The following SMARCA4 variants were observed in gnomAD, a reference collection of about 807,000 sequenced individuals.
SMARCA4 encodes SWI/SNF related BAF chromatin remodeling complex subunit ATPase 4, also known as SWI/SNF-related matrix-associated actin-dependent regulator of chromatin subfamily A member 4.
SMARCA4 carries 31 observed loss-of-function variants against 193.9 expected under a neutral mutation model. The ratio of observed to expected loss-of-function variants is 0.16; its 90% CI spans 0.12 to 0.22. SMARCA4 has a LOEUF of 0.22. Ranked by LOEUF, SMARCA4 falls within the 10% of genes least tolerant of loss-of-function variation. The probability of loss-of-function intolerance (pLI) is 1.00; values close to 1 mark genes in which losing one functional copy is unlikely to be tolerated. For synonymous variants in SMARCA4, 942 were observed against 933.1 expected (o/e 1.01, Z -0.17); for missense variants, 1,148 against 2,296.0 (o/e 0.50, Z 10.22).
At chr19:11,021,546 T>C (rs1443276521) in intron 18 of SMARCA4, 179 bp from the exon 19 acceptor site, 4 of 766,180 alleles carry the variant, frequency 5.2e-6, no homozygotes, top group Non-Finnish European at 9.0e-6. Flanking sequence ...AGAGGCTACG[T>C]TGTGTGGCTC....
chr19:11,049,050 C>T (rs1037324412), intron 30 of SMARCA4, among the ~76,000 whole-genome samples: 6 of 152,148 alleles, frequency 3.9e-5, no homozygotes, highest in East Asian at 1.9e-4. Context: ...GGTACCATGC[C>T]GGCAGTGCTG....
At chr19:11,005,127 C>T (rs531048479) in intron 13 of SMARCA4, among the ~76,000 whole-genome samples, 26 of 152,318 alleles carry the variant, frequency 1.7e-4, no homozygotes, top group African/African-American at 5.5e-4. Flanking sequence ...TGAGCCACCA[C>T]GCCTGGCCTC....
intron 29 of SMARCA4, among the ~76,000 whole-genome samples, chr19:11,037,842 A>G (rs1284270417): frequency 1.3e-5 from 2 of 152,192 alleles, no homozygotes; most frequent in Admixed American, 6.5e-5. Flanking sequence ...CATCCATCCA[A>G]CTGGAAATCC....
rs772356536 is a variant in SMARCA4, at chr19:11,007,916, G to A, written c.2016G>A (p.Glu672=). 9 of 1,613,298 alleles carry A rather than the reference G, an allele frequency of 5.6e-6. No homozygotes were observed. The Admixed American group carries it at 1.5e-4, about 27-fold the overall frequency. The change falls in exon 14 of 35, where the codon GAG becomes GAA. Residue 672 remains glutamate, a synonymous_variant. Coordinates refer to ENST00000344626, the MANE Select transcript of SMARCA4 (RefSeq NM_003072.5). ...TCTCTTGGTAGGAGGAGGAGGAAGAGCAGCCGCAGGCAGCACAGCCTCCCA... is the reference window on the plus strand; with the variant it reads ...TCTCTTGGTAGGAGGAGGAGGAAGAACAGCCGCAGGCAGCACAGCCTCCCA... ...SEEEEEEEEE[E]QPQAAQPPTL...
intron 15 of SMARCA4, chr19:11,012,570 C>T (rs749474259): frequency 2.3e-5 from 7 of 310,382 alleles, no homozygotes; most frequent in African/African-American, 1.1e-4. Context: ...CTCACGAAGT[C>T]GCCCTGAAGC....
chr19:11,061,198 AAAAAAAATATATATATAT>A (rs2076849142), intron 34 of SMARCA4, among the ~76,000 whole-genome samples: 2 of 76,264 alleles, frequency 2.6e-5, no homozygotes, highest in African/African-American at 1.1e-4. Context: ...TAAAAAAAAA[AAAAAAAATATATATATAT>A]ATATATATAT....
Position 11,059,815 on chromosome 19 carries a change from G to A in SMARCA4, c.4698G>A (p.Lys1566=), listed in dbSNP as rs1431532543. 1 of 1,613,010 alleles carries A rather than the reference G, an allele frequency of 6.2e-7. No individual in the cohort carries two copies. Among genetic ancestry groups the A allele is most frequent in the South Asian group, 1.1e-5 (1 of 90,888 alleles). The change falls in exon 33 of 35, where the codon AAG becomes AAA. Residue 1566 remains lysine (K), a synonymous_variant. Transcript: ENST00000344626. ...CCAGCGTGCGGCAGAAAATCGAGAAGGAGGATGACAGTGAAGGCGAGGAGA... is the reference window on the plus strand; with the variant it reads ...CCAGCGTGCGGCAGAAAATCGAGAAAGAGGATGACAGTGAAGGCGAGGAGA... ...VFTSVRQKIE[K]EDDSEGEESE...
chr19:10,995,516 A>G (rs1161935099), intron 9 of SMARCA4: 3 of 456,202 alleles, frequency 6.6e-6, no homozygotes, highest in East Asian at 6.9e-5. Context: ...AGGAGGGGGA[A>G]GTGGAGTGGA....
intron 1 of SMARCA4, among the ~76,000 whole-genome samples, chr19:10,964,841 G>A (rs1003487025): frequency 6.6e-6 from 1 of 151,838 alleles, no homozygotes; most frequent in African/African-American, 2.4e-5. Flanking sequence ...TCCTGGTCTC[G>A]AACTCCTGGC....
rs766816743 is a variant in SMARCA4 at position 11,030,752 on chromosome 19, G to A, written c.3405G>A (p.Arg1135=). 1.2e-6 allele frequency: 2 copies of A among 1,611,838 alleles called. No homozygotes were observed. The highest frequency in any genetic ancestry group is 1.7e-6 in the Non-Finnish European group (2 of 1,179,326). ...CAGGAACCACGAAGGCGGAGGACCG[G>A]GGCATGCTGCTGAAAACCTTCAACG... ...RLDGTTKAED[R]GMLLKTFNEP... Residue 1135 remains arginine (R), a synonymous_variant, in exon 25 of 35, where the codon CGG becomes CGA. Coordinates refer to ENST00000344626, the MANE Select transcript of SMARCA4 (RefSeq NM_003072.5). The surrounding 1 kb of genome is among the most constrained non-coding windows in gnomAD (Gnocchi z 5.5).
At position 11,030,974 on chromosome 19, in the gene SMARCA4, G is replaced by C. The variant is rs1256824441; in HGVS notation, c.3546+81G>C. Reference sequence around the variant, plus strand: ...TCGAGGAGACGGCCCTGGCTTGAGGGTCCTCCAGCCTCCTCCACATTGTCT... The same window carrying C: ...TCGAGGAGACGGCCCTGGCTTGAGGCTCCTCCAGCCTCCTCCACATTGTCT... On this transcript the variant is annotated intron_variant, in intron 25 of 34. Coordinates refer to ENST00000344626, the MANE Select transcript of SMARCA4 (RefSeq NM_003072.5). This position sits in a 1 kb window ranked among gnomAD's most constrained non-coding sequence, Gnocchi z 5.5. 1 of 1,325,920 alleles carries C rather than the reference G, an allele frequency of 7.5e-7. No individual in the cohort carries two copies. Among genetic ancestry groups the C allele is most frequent in the Non-Finnish European group, 1.1e-6 (1 of 947,498 alleles). The allele number at this position is 1,325,920 out of a possible 1,614,324, so 82.1% of individuals were successfully genotyped here.
intron 8 of SMARCA4, among the ~76,000 whole-genome samples, chr19:10,992,782 G>T (rs1354259588): frequency 6.6e-6 from 1 of 151,958 alleles, no homozygotes; most frequent in African/African-American, 2.4e-5. Flanking sequence ...TAGAGATGAG[G>T]TTTCACTATG....
chr19:11,015,837 T>C (rs1778935294), intron 16 of SMARCA4: 1 of 151,702 alleles, frequency 6.6e-6, no homozygotes, highest in African/African-American at 2.4e-5. Flanking sequence ...TGAAACCCTG[T>C]CCCTACCAAA....
chr19:11,026,795 G>A (rs575600646), intron 23 of SMARCA4, among the ~76,000 whole-genome samples: 199 of 152,146 alleles, frequency 1.3e-3, no homozygotes, highest in Non-Finnish European at 2.4e-3. Context: ...CACCGCGCCC[G>A]GCCCCATTAT....
At chr19:11,006,131 A>G (rs2088177961) in intron 13 of SMARCA4, among the ~76,000 whole-genome samples, 1 of 152,234 alleles carries the variant, frequency 6.6e-6, no homozygotes. Flanking sequence ...TGCAGATCAT[A>G]TTTTTAAAGC....
intron 30 of SMARCA4, among the ~76,000 whole-genome samples, chr19:11,051,676 A>G (rs1432435255): frequency 6.6e-6 from 1 of 151,914 alleles, no homozygotes; most frequent in African/African-American, 2.4e-5. Context: ...TTTTTAGTAG[A>G]GATGGGGTTT....
chr19:11,021,709 A>G lies in SMARCA4; in HGVS notation c.2617-16A>G, dbSNP rs2146414016. On this transcript the variant is annotated splice_polypyrimidine_tract_variant and intron_variant, in intron 18 of 34. Transcript: ENST00000344626. ...CTGCTGCCCCCTGCCCTGATTGCCC[A>G]CTCTGGGGCCCGCAGATCCGTTGGA... 2 of 1,600,570 alleles carry G rather than the reference A, an allele frequency of 1.2e-6. No homozygotes were observed. The highest frequency in any genetic ancestry group is 1.7e-6 in the Non-Finnish European group (2 of 1,173,398).
intron 1 of SMARCA4, among the ~76,000 whole-genome samples, chr19:10,964,176 C>G (rs551192231): frequency 1.3e-5 from 2 of 152,180 alleles, no homozygotes; most frequent in Non-Finnish European, 2.9e-5. Context: ...TATTTGTGTA[C>G]CTTTGCTTCT....
intron 8 of SMARCA4, among the ~76,000 whole-genome samples, chr19:10,993,827 A>T (rs765839634): frequency 4.0e-5 from 6 of 150,572 alleles, no homozygotes; most frequent in Non-Finnish European, 7.4e-5. Flanking sequence ...TTGTATTTTT[A>T]GTAGAGACGG....
Sources: gnomAD v4.1 joint callset for allele counts (sites outside exome capture counted in the v4.1 genomes callset) on GRCh38, gnomAD v4.1.1 for gene constraint, Gnocchi (gnomAD v3.1) non-coding constraint, MANE v1.5 for transcripts, NCBI Gene and HGNC (gene_info 2026-07-23, HGNC 2026-07-21) for gene names.